EML6: variants seen among roughly 807,000 people sequenced by gnomAD.
EML6 encodes EMAP like 6, also known as echinoderm microtubule-associated protein-like 6.
Under a neutral mutation model 240.1 loss-of-function variants are expected in EML6, and 154 were observed. The observed-to-expected ratio is 0.64, with a 90% CI of 0.56 to 0.73. EML6 has a LOEUF of 0.73. Ranked by LOEUF, EML6 falls within the 30% of genes least tolerant of loss-of-function variation. The pLI, the probability that EML6 is intolerant of heterozygous loss-of-function variation, is 0.00. For synonymous variants in EML6, 1,148 were observed against 899.0 expected (o/e 1.28, Z -4.95); for missense variants, 2,964 against 2,474.6 (o/e 1.20, Z -4.20).
At chr2:54,796,799 G>T (rs568398688) in intron 2 of EML6, among the ~76,000 whole-genome samples, 66 of 152,180 alleles carry the variant, frequency 4.3e-4, no homozygotes, top group African/African-American at 1.4e-3. Flanking sequence ...CCGTTTTAGA[G>T]CACCGCCAGG....
chr2:54,821,612 G>A (rs114331654), intron 5 of EML6, among the ~76,000 whole-genome samples: 4,696 of 151,872 alleles, frequency 0.031, 119 homozygotes, highest in Non-Finnish European at 0.043. Context: ...TCATGAAGAG[G>A]ATATATGTAC....
intron 5 of EML6, among the ~76,000 whole-genome samples, chr2:54,823,870 C>CTCTCTCTCTCTCTCTCTCTCTCTCTT (rs70944189): frequency 2.0e-5 from 3 of 146,496 alleles, no homozygotes; most frequent in African/African-American, 7.7e-5. Context: ...CTCTCTCTCT[C>CTCTCTCTCTCTCTCTCTCTCTCTCTT]TCTCTCTTTC....
chr2:54,810,265 A>C (rs553910615), intron 2 of EML6, among the ~76,000 whole-genome samples: 6 of 152,236 alleles, frequency 3.9e-5, no homozygotes, highest in Non-Finnish European at 8.8e-5. Context: ...ATGGGCTTCA[A>C]TATGAATGAG....
chr2:54,796,524 C>T (rs191267193), intron 2 of EML6, among the ~76,000 whole-genome samples: 124 of 149,484 alleles, frequency 8.3e-4, no homozygotes, highest in African/African-American at 2.9e-3. Flanking sequence ...TAAATGGAAT[C>T]ATTTTAAGTA....
At chr2:54,797,937 C>G (rs1669909356) in intron 2 of EML6, among the ~76,000 whole-genome samples, 1 of 151,958 alleles carries the variant, frequency 6.6e-6, no homozygotes. Flanking sequence ...CCTCTAAGTT[C>G]ATTGTTTTTC....
At chr2:54,941,527 C>T (rs766504597) in intron 28 of EML6, among the ~76,000 whole-genome samples, 3 of 152,214 alleles carry the variant, frequency 2.0e-5, no homozygotes, top group Non-Finnish European at 2.9e-5. Flanking sequence ...TAAGAACTGA[C>T]CATCCTGCTA....
rs184481731 is a variant in EML6 at position 54,873,881 on chromosome 2, G to C, written c.2344+2276G>C. Among the ~76,000 whole-genome samples the C allele has an allele frequency of 1.6e-3, 237 of 146,506 alleles. 1 individual carries two copies. In the Middle Eastern group the frequency reaches 0.02, roughly 13 times the overall value. ...ACAAAGCTGTGATTCAAAATGACAA[G>C]TATGAAGATTGTATTTTATGCACAT... On this transcript the variant is annotated intron_variant, in intron 16 of 41. Transcript: ENST00000356458.
At chr2:54,737,281 A>G (rs1683439975) in intron 2 of EML6, among the ~76,000 whole-genome samples, 1 of 152,140 alleles carries the variant, frequency 6.6e-6, no homozygotes, top group Admixed American at 6.6e-5. Flanking sequence ...GACAACAATA[A>G]TAATGCATAT....
At chr2:54,933,848 C>A (rs1432167069) in intron 28 of EML6, among the ~76,000 whole-genome samples, 2 of 152,176 alleles carry the variant, frequency 1.3e-5, no homozygotes, top group Admixed American at 6.5e-5. Flanking sequence ...GTTGCCACAT[C>A]CAGGATCTGA....
intron 2 of EML6, among the ~76,000 whole-genome samples, chr2:54,796,883 A>AG (rs752977561): frequency 1.1e-4 from 17 of 152,086 alleles, no homozygotes; most frequent in South Asian, 1.0e-3. Flanking sequence ...GGTAGTCACA[A>AG]GGCGGGGATC....
intron 16 of EML6, among the ~76,000 whole-genome samples, chr2:54,876,896 A>G (rs888039790): frequency 6.6e-6 from 1 of 152,118 alleles, no homozygotes; most frequent in Middle Eastern, 3.2e-3. Flanking sequence ...ATTATTAGCT[A>G]TAGTCACCTT....
chr2:54,959,516 C>T (rs1018465214), intron 34 of EML6, among the ~76,000 whole-genome samples: 1 of 152,134 alleles, frequency 6.6e-6, no homozygotes, highest in African/African-American at 2.4e-5. Flanking sequence ...AATCTCAGCA[C>T]TTTGGGAGGC....
intron 2 of EML6, among the ~76,000 whole-genome samples, chr2:54,753,796 C>T (rs571544156): frequency 6.6e-6 from 1 of 151,502 alleles, no homozygotes; most frequent in Non-Finnish European, 1.5e-5. Context: ...CTCAGCCTCC[C>T]GAGTAGTTGG....
At chr2:54,736,946 G>C (rs973313266) in intron 2 of EML6, among the ~76,000 whole-genome samples, 2 of 152,188 alleles carry the variant, frequency 1.3e-5, no homozygotes, top group African/African-American at 4.8e-5. Context: ...TGTTATTCTT[G>C]TAAAAGACTA....
At chr2:54,902,034 G>A (rs10201734) in intron 22 of EML6, among the ~76,000 whole-genome samples, 55,936 of 151,978 alleles carry the variant, frequency 0.37, 10,858 homozygotes, top group South Asian at 0.53. Flanking sequence ...CATTCTTCGC[G>A]TGACAGAAGA....
rs1676982615 is a variant in EML6 at position 54,971,258 on chromosome 2, A to T, written c.*1163A>T. ...GTTAGAGTTCCTTGGAGTTGGTTGTATGACGGAATATGACTTGGACAATCT... is the reference window on the plus strand; with the variant it reads ...GTTAGAGTTCCTTGGAGTTGGTTGTTTGACGGAATATGACTTGGACAATCT... On this transcript the variant is annotated 3_prime_UTR_variant, in exon 42 of 42. Transcript: ENST00000356458. 1 of 152,232 alleles carries T rather than the reference A, an allele frequency of 6.6e-6. No homozygotes were observed. The highest frequency in any genetic ancestry group is 1.9e-4 in the East Asian group (1 of 5,196). 9.4% of individuals were successfully genotyped at this position (152,232 alleles called of 1,614,324 possible).
intron 36 of EML6, 150 bp from the exon 37 acceptor site, chr2:54,963,836 T>C (rs545472003): frequency 3.2e-5 from 22 of 677,168 alleles, no homozygotes; most frequent in African/African-American, 2.7e-4. Context: ...TGCTCAGTTA[T>C]TCAGGGACAT....
chr2:54,930,610 C>G (rs751624407), intron 28 of EML6, among the ~76,000 whole-genome samples: 6 of 151,898 alleles, frequency 4.0e-5, no homozygotes, highest in Non-Finnish European at 8.8e-5. Flanking sequence ...AAAATTCACA[C>G]CAGGATTTAG....
chr2:54,959,086 A>G lies in EML6; in HGVS notation c.4696-18A>G. 1 of 1,545,252 alleles carries G rather than the reference A, an allele frequency of 6.5e-7. No homozygotes were observed. Among genetic ancestry groups the G allele is most frequent in the Non-Finnish European group, 8.7e-7 (1 of 1,143,772 alleles). ...CTTGAGTGTGTTCCGGGTGTAGAAG[A>G]TGTTGTTTTGTTTACAGAACAATCT... On this transcript the variant is annotated intron_variant, in intron 33 of 41. Coordinates refer to ENST00000356458, the MANE Select transcript of EML6 (RefSeq NM_001039753.4).
Sources: allele counts gnomAD v4.1 joint callset (sites outside exome capture counted in the v4.1 genomes callset), GRCh38; gene constraint gnomAD v4.1.1; transcripts MANE v1.5; gene names NCBI Gene and HGNC (gene_info 2026-07-23, HGNC 2026-07-21).